Variants in DNAH6 observed in about 807,000 individuals in gnomAD.
DNAH6 encodes the protein dynein axonemal heavy chain 6.
In DNAH6, 340 loss-of-function variants were observed where a neutral mutation model predicts 491.4. The observed-to-expected ratio is 0.69, with a 90% confidence interval of 0.63 to 0.76. DNAH6 has a LOEUF of 0.76. DNAH6 is among the 30% of genes least tolerant of loss of function. DNAH6 has a pLI of 0.00. For missense variants in DNAH6, 4,443 were observed against 4,972.2 expected (o/e 0.89, Z 3.20); for synonymous variants, 1,603 against 1,686.1 (o/e 0.95, Z 1.21).
intron 11 of DNAH6, among the ~76,000 whole-genome samples, chr2:84,568,390 TA>T (rs1681439159): frequency 6.6e-6 from 1 of 152,010 alleles, no homozygotes; most frequent in African/African-American, 2.4e-5. Context: ...TGTGCAGCCA[TA>T]AAAAAGAATG....
At chr2:84,591,963 A>G (rs1206893776) in intron 16 of DNAH6, among the ~76,000 whole-genome samples, 1 of 152,210 alleles carries the variant, frequency 6.6e-6, no homozygotes, top group East Asian at 1.9e-4. Context: ...TTAAAGACTC[A>G]AAAGAACTAA....
chr2:84,714,210 C>T (rs1415386798), intron 57 of DNAH6, among the ~76,000 whole-genome samples: 1 of 152,234 alleles, frequency 6.6e-6, no homozygotes, highest in African/African-American at 2.4e-5. Context: ...ATATACCATT[C>T]CAAAGAGCGT....
chr2:84,676,896 CA>C (rs551547344), intron 40 of DNAH6, 108 bp from the exon 41 acceptor site: 383 of 1,223,090 alleles, frequency 3.1e-4, no homozygotes, highest in Middle Eastern at 1.2e-3. Flanking sequence ...TTAACATGCA[CA>C]AAAAAAAATG....
intron 68 of DNAH6, among the ~76,000 whole-genome samples, chr2:84,791,505 T>C (rs1677739713): frequency 6.6e-6 from 1 of 151,954 alleles, no homozygotes; most frequent in African/African-American, 2.4e-5. Context: ...AGTAGTTCAG[T>C]GGTTTCATGG....
At chr2:84,521,761 T>A (rs1676165956) in intron 2 of DNAH6, among the ~76,000 whole-genome samples, 1 of 152,200 alleles carries the variant, frequency 6.6e-6, no homozygotes, top group Admixed American at 6.5e-5. Flanking sequence ...TTTGTCAGCT[T>A]TGTCAAAGAT....
chr2:84,470,806 C>T, the DNAH6 span, among the ~76,000 whole-genome samples: 1 of 152,076 alleles, frequency 6.6e-6, no homozygotes, highest in Non-Finnish European at 1.5e-5. Flanking sequence ...GCGACGAAGT[C>T]CGGTGGAGTC....
At chr2:84,502,873 T>C in the DNAH6 span, among the ~76,000 whole-genome samples, 1 of 152,272 alleles carries the variant, frequency 6.6e-6, no homozygotes, top group Admixed American at 6.5e-5. Context: ...TTATTTTTCA[T>C]CTATGTGTGT....
intron 16 of DNAH6, among the ~76,000 whole-genome samples, chr2:84,593,513 C>T (rs749417868): frequency 1.3e-5 from 2 of 152,154 alleles, no homozygotes; most frequent in South Asian, 2.1e-4. Flanking sequence ...TCAGAAACCA[C>T]GCTGTCCTCT....
At chr2:84,470,225 C>T in the DNAH6 span, among the ~76,000 whole-genome samples, 1 of 152,108 alleles carries the variant, frequency 6.6e-6, no homozygotes, top group Non-Finnish European at 1.5e-5. Context: ...CACTATAGTC[C>T]CCTATGGGCT....
chr2:84,669,573 C>A, intron 38 of DNAH6, 63 bp downstream of exon 38: 2 of 1,326,160 alleles, frequency 1.5e-6, no homozygotes, highest in South Asian at 1.3e-5. Context: ...GACTTAGAAT[C>A]GTTAGCACCA....
chr2:84,701,661 G>A (rs550028881), intron 49 of DNAH6, among the ~76,000 whole-genome samples: 8 of 152,078 alleles, frequency 5.3e-5, no homozygotes, highest in Non-Finnish European at 1.2e-4. Context: ...AGAGAGAGGG[G>A]GGTGGTGCCA....
At chr2:84,808,577 A>G in intron 72 of DNAH6, 35 bp downstream of exon 72, 2 of 1,547,610 alleles carry the variant, frequency 1.3e-6, no homozygotes, top group Non-Finnish European at 1.7e-6. Flanking sequence ...GCTATTGAGC[A>G]TCAAAGCTTT....
the DNAH6 span, among the ~76,000 whole-genome samples, chr2:84,463,294 T>C: frequency 1.2e-3 from 186 of 152,300 alleles, 5 homozygotes; most frequent in South Asian, 0.012. Flanking sequence ...CTGCAGGTTG[T>C]GGAGCCACAG....
At chr2:84,558,342 G>A (rs1335232688) in intron 11 of DNAH6, among the ~76,000 whole-genome samples, 1 of 151,350 alleles carries the variant, frequency 6.6e-6, no homozygotes, top group East Asian at 1.9e-4. Context: ...GGAGAATGGT[G>A]TGAACCCGGG....
chr2:84,643,769 C>T (rs939259197), intron 33 of DNAH6, among the ~76,000 whole-genome samples: 1 of 152,156 alleles, frequency 6.6e-6, no homozygotes, highest in African/African-American at 2.4e-5. Context: ...CCAGCTGTTT[C>T]TGCATGCTGT....
rs535212044 is a variant in DNAH6, at chr2:84,777,580, A to G, written c.10704-3913A>G. ...TGTGAACCTCTTTCCACTGTTACTT[A>G]TCTGTATCAGTCCCTAAATCTGGGT... On this transcript the variant is annotated intron_variant, in intron 64 of 76. Transcript: ENST00000389394. 44 of 791,110 alleles carry G rather than the reference A, an allele frequency of 5.6e-5. No homozygotes were observed. In the East Asian group the frequency reaches 1.0e-3, roughly 19 times the overall value. 49.0% of individuals were successfully genotyped at this position (791,110 alleles called of 1,614,324 possible). A position where few individuals can be genotyped will look rare whatever the true frequency, so the allele number is the denominator to read the frequency against.
chr2:84,557,263 C>G (rs1323245379), intron 10 of DNAH6, among the ~76,000 whole-genome samples: 1 of 152,166 alleles, frequency 6.6e-6, no homozygotes, highest in Non-Finnish European at 1.5e-5. Context: ...AGGGCCATGT[C>G]TTTTGATTTG....
chr2:84,717,865 A>T (rs866870883), intron 58 of DNAH6, among the ~76,000 whole-genome samples: 1 of 152,242 alleles, frequency 6.6e-6, no homozygotes, highest in Non-Finnish European at 1.5e-5. Context: ...CACCATTTTC[A>T]TCTTGGCACA....
At chr2:84,756,931 A>G (rs1361256591) in intron 63 of DNAH6, among the ~76,000 whole-genome samples, 2 of 152,186 alleles carry the variant, frequency 1.3e-5, no homozygotes, top group African/African-American at 4.8e-5. Flanking sequence ...ATATATCATA[A>G]TGGGAAATTT....
Sources: gnomAD v4.1 joint callset for allele counts (sites outside exome capture counted in the v4.1 genomes callset) on GRCh38, gnomAD v4.1.1 for gene constraint, MANE v1.5 for transcripts, NCBI Gene and HGNC (gene_info 2026-07-23, HGNC 2026-07-21) for gene names.